Variants in LDB2 observed in about 807,000 individuals in gnomAD.
LDB2 encodes the protein LIM domain-binding protein 2.
A neutral mutation model predicts 44.3 loss-of-function variants in LDB2; 12 were observed. The ratio of observed to expected loss-of-function variants is 0.27; its 90% CI spans 0.17 to 0.44. The LOEUF is 0.44. Among genes scored for constraint, LDB2 ranks in the 20% least tolerant of loss-of-function variants. The probability of loss-of-function intolerance (pLI) is 1.00; values close to 1 mark genes in which losing one functional copy is unlikely to be tolerated. For synonymous variants in LDB2, 164 were observed against 174.8 expected (o/e 0.94, Z 0.49); for missense variants, 344 against 473.5 (o/e 0.73, Z 2.54).
chr4:16,812,582 T>TTATATATATATATATCTATA (rs1780081391), intron 1 of LDB2, among the ~76,000 whole-genome samples: 1 of 115,560 alleles, frequency 8.7e-6, no homozygotes, highest in African/African-American at 3.9e-5. Flanking sequence ...ATCAATGAAA[T>TTATATATATATATATCTATA]TATATATATA....
chr4:16,719,557 C>CT (rs1757810028), intron 2 of LDB2, among the ~76,000 whole-genome samples: 1 of 152,000 alleles, frequency 6.6e-6, no homozygotes, highest in South Asian at 2.1e-4. Context: ...TCTTAGAATC[C>CT]TATCTTTCTT....
chr4:16,600,988 TA>T (rs1043904470), intron 2 of LDB2, among the ~76,000 whole-genome samples: 7 of 151,862 alleles, frequency 4.6e-5, no homozygotes, highest in African/African-American at 1.7e-4. Flanking sequence ...TGAAATGCAT[TA>T]AAAAAAACTT....
At position 16,661,964 on chromosome 4, in the gene LDB2, C is replaced by T. The variant is rs77507707; in HGVS notation, c.236-66089G>A. On this transcript the variant is annotated intron_variant, in intron 2 of 7. Coordinates refer to ENST00000304523, the MANE Select transcript of LDB2 (RefSeq NM_001290.5). ...TCTTGGAAGATCTCAGCACAGATTC[C>T]AGTCTTGAACCAAAGGAAGTCTTTA... 5.1e-3 allele frequency among the ~76,000 whole-genome samples: 777 copies of T among 152,202 alleles called. 10 individuals carry two copies. Among genetic ancestry groups the T allele is most frequent in the African/African-American group, 0.017 (686 of 41,534 alleles).
At chr4:16,549,160 C>T (rs1253727117) in intron 5 of LDB2, among the ~76,000 whole-genome samples, 1 of 152,198 alleles carries the variant, frequency 6.6e-6, no homozygotes, top group African/African-American at 2.4e-5. Flanking sequence ...GAGACTCTTG[C>T]AACCTTAGTG....
intron 5 of LDB2, among the ~76,000 whole-genome samples, chr4:16,529,533 TTG>T (rs1405088657): frequency 1.3e-5 from 2 of 152,218 alleles, no homozygotes; most frequent in Non-Finnish European, 2.9e-5. Flanking sequence ...TCTAATTTCA[TTG>T]TGTGTTTTCC....
chr4:16,564,479 A>G (rs903159965), intron 5 of LDB2, among the ~76,000 whole-genome samples: 3 of 152,228 alleles, frequency 2.0e-5, no homozygotes, highest in Non-Finnish European at 2.9e-5. Flanking sequence ...GAAGGGGACC[A>G]GCATCCAGCC....
intron 1 of LDB2, among the ~76,000 whole-genome samples, chr4:16,815,547 A>C (rs1469593466): frequency 6.6e-6 from 1 of 152,200 alleles, no homozygotes; most frequent in Non-Finnish European, 1.5e-5. Context: ...CTGATTTGTA[A>C]GATCCTCTGA....
intron 2 of LDB2, among the ~76,000 whole-genome samples, chr4:16,611,539 G>A (rs372661027): frequency 6.0e-4 from 88 of 145,996 alleles, no homozygotes; most frequent in East Asian, 6.0e-4. Context: ...CAAATGGAAA[G>A]AAAAAAAAAA....
At chr4:16,798,028 C>CT (rs1173400876) in intron 1 of LDB2, among the ~76,000 whole-genome samples, 1 of 136,312 alleles carries the variant, frequency 7.3e-6, no homozygotes, top group East Asian at 2.1e-4. Flanking sequence ...GAGCAAGACT[C>CT]TGTCTCGAAA....
At chr4:16,820,104 T>C (rs1781659852) in intron 1 of LDB2, among the ~76,000 whole-genome samples, 2 of 152,300 alleles carry the variant, frequency 1.3e-5, no homozygotes, top group Middle Eastern at 3.4e-3. Context: ...AAATAGTACA[T>C]GAGGAATAAA....
At chr4:16,760,365 G>A (rs1211844249) in intron 1 of LDB2, among the ~76,000 whole-genome samples, 1 of 152,066 alleles carries the variant, frequency 6.6e-6, no homozygotes, top group African/African-American at 2.4e-5. Flanking sequence ...TGAACCCTCA[G>A]TCCCAGCAAG....
At position 16,822,618 on chromosome 4, in the gene LDB2, A is replaced by G. The variant is rs552933744; in HGVS notation, c.133-63358T>C. ...ACTGCAACCTCTGCCTCCTGGTGTG[A>G]TTCTCGTGCCTCAGCCTCCCAAGTA... On this transcript the variant is annotated intron_variant, in intron 1 of 7. Transcript: ENST00000304523. Among the ~76,000 whole-genome samples, 4 of 152,158 alleles carry G rather than the reference A, an allele frequency of 2.6e-5. No homozygotes were observed. The South Asian group carries it at 8.3e-4, about 32-fold the overall frequency.
chr4:16,731,042 A>G (rs1362311707), intron 2 of LDB2, among the ~76,000 whole-genome samples: 1 of 152,222 alleles, frequency 6.6e-6, no homozygotes, highest in Non-Finnish European at 1.5e-5. Context: ...GAGACAGAAA[A>G]AGCAGGAAGA....
chr4:16,863,036 C>T, intron 1 of LDB2, among the ~76,000 whole-genome samples: 1 of 152,124 alleles, frequency 6.6e-6, no homozygotes, highest in East Asian at 1.9e-4. Context: ...TCACAGAGGG[C>T]ACGGGCTCCA....
intron 2 of LDB2, among the ~76,000 whole-genome samples, chr4:16,659,671 GTATA>G (rs58539901): frequency 0.4 from 53,217 of 133,712 alleles, 12,130 homozygotes; most frequent in Middle Eastern, 0.6. Flanking sequence ...ATCTATGTGT[GTATA>G]TATATATATA....
chr4:16,717,184 A>ATG (rs1553981626), intron 2 of LDB2, among the ~76,000 whole-genome samples: 14,930 of 93,416 alleles, frequency 0.16, 942 homozygotes, highest in East Asian at 0.37. Context: ...TAATAATAAT[A>ATG]ATAATGATGA....
intron 2 of LDB2, among the ~76,000 whole-genome samples, chr4:16,661,783 A>T (rs1741670339): frequency 6.6e-6 from 1 of 152,212 alleles, no homozygotes; most frequent in African/African-American, 2.4e-5. Context: ...ATCCAGAGGA[A>T]AAAGAGAGTA....
At chr4:16,897,912 A>ATATATATATATATATACACATATG (rs1725615604) in intron 1 of LDB2, among the ~76,000 whole-genome samples, 1 of 15,668 alleles carries the variant, frequency 6.4e-5, no homozygotes, top group African/African-American at 5.7e-4. Context: ...ATATATATAT[A>ATATATATATATATATACACATATG]TATATATATA....
At chr4:16,709,007 G>A (rs183336251) in intron 2 of LDB2, among the ~76,000 whole-genome samples, 2 of 152,108 alleles carry the variant, frequency 1.3e-5, no homozygotes, top group Admixed American at 1.3e-4. Flanking sequence ...TCCCAAGCTG[G>A]GGTTTGAAAT....
Sources: gnomAD v4.1 joint callset for allele counts (sites outside exome capture counted in the v4.1 genomes callset) on GRCh38, gnomAD v4.1.1 for gene constraint, MANE v1.5 for transcripts, NCBI Gene and HGNC (gene_info 2026-07-23, HGNC 2026-07-21) for gene names.